PLEKHG4B: variants seen among roughly 807,000 people sequenced by gnomAD.
PLEKHG4B encodes the protein pleckstrin homology and RhoGEF domain containing G4B.
A neutral mutation model predicts 121.3 loss-of-function variants in PLEKHG4B; 111 were observed. The ratio of observed to expected loss-of-function variants is 0.92; its 90% CI spans 0.78 to 1.07. PLEKHG4B has a LOEUF of 1.07. PLEKHG4B is among the 50% of genes least tolerant of loss of function. The pLI is 0.00. For synonymous variants in PLEKHG4B, 738 were observed against 725.0 expected, an observed-to-expected ratio of 1.02 and a Z score of -0.29; for missense variants, 1,831 against 1,757.8, an observed-to-expected ratio of 1.04 and a Z score of -0.74.
intron 2 of PLEKHG4B, among the ~76,000 whole-genome samples, chr5:135,187 CAAAAAAAAAA>C (rs35601775): frequency 1.1e-3 from 54 of 48,782 alleles, no homozygotes; most frequent in African/African-American, 3.3e-3. Flanking sequence ...GACTCCAGCT[CAAAAAAAAAA>C]AAAAAAAAAA....
intron 2 of PLEKHG4B, among the ~76,000 whole-genome samples, chr5:122,646 C>G (rs1447694736): frequency 6.6e-6 from 1 of 152,050 alleles, no homozygotes; most frequent in African/African-American, 2.4e-5. Context: ...GTCAGATCTC[C>G]TGACATCAGG....
intron 1 of PLEKHG4B, among the ~76,000 whole-genome samples, chr5:97,557 T>A (rs1324801443): frequency 3.3e-5 from 5 of 152,190 alleles, no homozygotes; most frequent in African/African-American, 1.2e-4. Flanking sequence ...ATATATAGGG[T>A]TGTGTGTCTG....
At position 156,848 on chromosome 5, in the gene PLEKHG4B, C is replaced by A; in HGVS notation, c.2424C>A (p.Asn808Lys). Residue 808 changes from asparagine (N) to lysine (K), a missense_variant, in exon 11 of 20, where the codon AAC becomes AAA. By Grantham distance (94) the Asn-to-Lys change is moderately conservative. Transcript: ENST00000637938. This position sits in a 1 kb window ranked among gnomAD's most constrained non-coding sequence, Gnocchi z 4.4. ...EEVHRLVLTS[N>K]NRLQQLEHLR... The stretch of plus-strand genomic sequence containing the variant: ...TGCACAGGCTGGTCCTCACCTCGAA[C>A]AATCGTCTCCAGCAGCTGGAGCACC... 1 of 1,606,114 alleles carries A rather than the reference C, an allele frequency of 6.2e-7. No individual in the cohort carries two copies. Among genetic ancestry groups the A allele is most frequent in the Non-Finnish European group, 8.5e-7 (1 of 1,177,000 alleles).
intron 6 of PLEKHG4B, among the ~76,000 whole-genome samples, chr5:148,802 T>G (rs1230102055): frequency 6.6e-6 from 1 of 152,166 alleles, no homozygotes; most frequent in African/African-American, 2.4e-5. Context: ...GCTGGAGGAC[T>G]CACAGTTCCT....
chr5:181,668 G>A lies in PLEKHG4B; in HGVS notation c.4557G>A (p.Lys1519=), dbSNP rs550621213. The change falls in exon 19 of 20, where the codon AAG becomes AAA. Residue 1519 remains lysine, a synonymous_variant. Transcript: ENST00000637938. ...MSDRVPDSIV[K]GTESQMRGST... ...ACCGAGTCCCCGACAGCATCGTCAA[G>A]GGCACAGGTACGGTGGCTCGGTCCC... 3 of 1,613,100 alleles carry A rather than the reference G, an allele frequency of 1.9e-6. No homozygotes were observed. The South Asian group carries it at 3.3e-5, about 18-fold the overall frequency.
At chr5:161,075 C>T (rs1206677267) in intron 11 of PLEKHG4B, among the ~76,000 whole-genome samples, 3 of 152,216 alleles carry the variant, frequency 2.0e-5, no homozygotes, top group Admixed American at 1.3e-4. Flanking sequence ...GACCCCTAGT[C>T]GCCCCTGGTG....
chr5:173,935 GAC>G lies in PLEKHG4B; in HGVS notation c.4241_4242del (p.Thr1414ArgfsTer11), dbSNP rs1182095380. On this transcript the variant is annotated frameshift_variant, in exon 18 of 20. Transcript: ENST00000637938. LOFTEE classifies it high-confidence loss of function. ...QSFKTAEIGMTENVGDSGLRF... is the reference protein window; with the variant it reads ...QSFKTAEIGMXENVGDSGLRF... ...GACTGCAGACGGCCGAGATCGGGAT[GAC>G]AGAGAACGTCGGGGACAGTGGCTTG... 2 of 1,613,664 alleles carry G rather than the reference GAC, an allele frequency of 1.2e-6. No individual in the cohort carries two copies. The highest frequency in any genetic ancestry group is 2.2e-5 in the East Asian group (1 of 44,828).
At chr5:103,357 C>T (rs1390427015) in intron 1 of PLEKHG4B, among the ~76,000 whole-genome samples, 2 of 152,076 alleles carry the variant, frequency 1.3e-5, no homozygotes, top group Non-Finnish European at 2.9e-5. Flanking sequence ...TGGATTCAAA[C>T]ACTGAGAAAT....
intron 1 of PLEKHG4B, among the ~76,000 whole-genome samples, chr5:98,951 TTG>T (rs1733713985): frequency 7.2e-6 from 1 of 138,772 alleles, no homozygotes; most frequent in African/African-American, 2.7e-5. Context: ...GGTCAGGAGT[TTG>T]AGACCAGCCT....
At chr5:115,919 C>G (rs1467414368) in intron 2 of PLEKHG4B, among the ~76,000 whole-genome samples, 1 of 152,222 alleles carries the variant, frequency 6.6e-6, no homozygotes, top group Non-Finnish European at 1.5e-5. Flanking sequence ...GTTTCTCTTT[C>G]ATATCATTTG....
At chr5:180,237 T>C (rs2059861) in intron 18 of PLEKHG4B, among the ~76,000 whole-genome samples, 80,724 of 152,064 alleles carry the variant, frequency 0.53, 23,542 homozygotes, top group Non-Finnish European at 0.67. Context: ...TTCATCTGAA[T>C]GCACTCCGGG....
chr5:173,893 T>C, intron 17 of PLEKHG4B, 25 bp from the exon 18 acceptor site: 1 of 1,608,896 alleles, frequency 6.2e-7, no homozygotes, highest in Non-Finnish European at 8.5e-7. Flanking sequence ...CTGATGGTGC[T>C]GCAATGGGTG....
chr5:152,721 G>A (rs990749388), intron 7 of PLEKHG4B, among the ~76,000 whole-genome samples: 1 of 152,082 alleles, frequency 6.6e-6, no homozygotes, highest in Non-Finnish European at 1.5e-5. Flanking sequence ...ACTCACTAAT[G>A]TGGCTTGGCT....
At chr5:172,815 A>G (rs1170032648) in intron 16 of PLEKHG4B, 82 bp from the exon 17 acceptor site, 1 of 1,479,676 alleles carries the variant, frequency 6.8e-7, no homozygotes, top group Non-Finnish European at 9.4e-7. Context: ...CGAAGCTAAC[A>G]CATTTAGACG....
At position 171,106 on chromosome 5, in the gene PLEKHG4B, A is replaced by G; in HGVS notation, c.3793A>G (p.Ser1265Gly). 6.2e-7 allele frequency: 1 copy of G among 1,613,410 alleles called. No homozygotes were observed. Among genetic ancestry groups the G allele is most frequent in the Non-Finnish European group, 8.5e-7 (1 of 1,179,846 alleles). Residue 1265 changes from serine to glycine, a missense_variant, in exon 15 of 20, where the codon AGC becomes GGC. By Grantham distance (56) the Ser-to-Gly change is moderately conservative. Transcript: ENST00000637938. ...KNKPQSDALL[S>G]SHGNAFFKDK... ...CAAGCCGCAGTCGGATGCCCTGCTC[A>G]GCAGCCATGGCAACGCCTTCTTCAA...
chr5:139,737 G>C lies in PLEKHG4B; in HGVS notation c.498G>C (p.Trp166Cys), dbSNP rs1735093471. The C allele has an allele frequency of 7.5e-6, 3 of 398,860 alleles. No homozygotes were observed. Among genetic ancestry groups the C allele is most frequent in the Non-Finnish European group, 1.3e-5 (3 of 226,274 alleles). 24.7% of individuals were successfully genotyped at this position (398,860 alleles called of 1,614,324 possible). ...TCTTCACGGGGGCGTTCCTGGAGTG[G>C]GTGAACCGGGAGCGGCGCCATGTCC... ...GCVFTGAFLEWVNRERRHVPL... is the reference protein window; with the variant it reads ...GCVFTGAFLECVNRERRHVPL... The change falls in exon 3 of 20, where the codon TGG becomes TGC. Residue 166 changes from tryptophan (W) to cysteine (C), a missense_variant. Trp to Cys is a radical substitution (Grantham distance 215). Transcript: ENST00000637938. The surrounding 1 kb of genome is among the most constrained non-coding windows in gnomAD (Gnocchi z 5.0).
At chr5:107,588 CAG>C (rs1361871958) in intron 1 of PLEKHG4B, among the ~76,000 whole-genome samples, 1 of 152,234 alleles carries the variant, frequency 6.6e-6, no homozygotes, top group Non-Finnish European at 1.5e-5. Context: ...GGCCTAGACT[CAG>C]GGCGCTGCTG....
At chr5:133,480 A>G (rs1734838815) in intron 2 of PLEKHG4B, among the ~76,000 whole-genome samples, 1 of 152,252 alleles carries the variant, frequency 6.6e-6, no homozygotes, top group Non-Finnish European at 1.5e-5. Flanking sequence ...AAGGACATGA[A>G]TAGACAATTC....
rs538474199 is a variant in PLEKHG4B, at chr5:174,211, G to A, written c.4402+113G>A. On this transcript the variant is annotated intron_variant, in intron 18 of 19. Transcript: ENST00000637938. ...GGCTGAGTCCAGGGGCCAGGGGGCT[G>A]GGGGCCAGGGCTAGAGCTGGGGCTG... The A allele has an allele frequency of 3.2e-4, 320 of 995,536 alleles. 3 individuals carry two copies. The highest frequency in any genetic ancestry group is 4.0e-4 in the Non-Finnish European group (286 of 713,964). 61.7% of individuals were successfully genotyped at this position (995,536 alleles called of 1,614,324 possible). A position where few individuals can be genotyped will look rare whatever the true frequency, so the allele number is the denominator to read the frequency against.
Sources: allele counts gnomAD v4.1 joint callset (sites outside exome capture counted in the v4.1 genomes callset), GRCh38; gene constraint gnomAD v4.1.1; non-coding constraint Gnocchi (gnomAD v3.1); transcripts MANE v1.5; gene names NCBI Gene and HGNC (gene_info 2026-07-23, HGNC 2026-07-21).